The following CDYL2 variants were observed in gnomAD, a reference collection of about 807,000 sequenced individuals.
CDYL2 encodes chromodomain Y like 2, also known as chromodomain Y-like protein 2.
In CDYL2, 23 loss-of-function variants were observed where a neutral mutation model predicts 49.4. The ratio of observed to expected loss-of-function variants is 0.47; its 90% CI spans 0.34 to 0.66. CDYL2 has a LOEUF of 0.66. Among genes scored for constraint, CDYL2 ranks in the 30% least tolerant of loss-of-function variants. The pLI, the probability that CDYL2 is intolerant of heterozygous loss-of-function variation, is 0.01. For synonymous variants in CDYL2, 360 were observed against 268.8 expected, an observed-to-expected ratio of 1.34 and a Z score of -3.32; for missense variants, 678 against 656.4, an observed-to-expected ratio of 1.03 and a Z score of -0.36.
intron 2 of CDYL2, among the ~76,000 whole-genome samples, chr16:80,648,637 A>G (rs569289233): frequency 1.3e-5 from 2 of 151,948 alleles, no homozygotes; most frequent in African/African-American, 4.8e-5. Context: ...ATACTTCCAA[A>G]CTCATTCTAC....
At chr16:80,752,293 T>C (rs1225438835) in intron 1 of CDYL2, among the ~76,000 whole-genome samples, 2 of 151,956 alleles carry the variant, frequency 1.3e-5, no homozygotes, top group Non-Finnish European at 1.5e-5. Flanking sequence ...CATGGAGACC[T>C]GGTGGGAAAG....
At chr16:80,638,288 T>C (rs1344929357) in intron 2 of CDYL2, among the ~76,000 whole-genome samples, 1 of 152,192 alleles carries the variant, frequency 6.6e-6, no homozygotes, top group Non-Finnish European at 1.5e-5. Context: ...TTGCCTAGGC[T>C]GGTCTCAAAT....
chr16:80,752,109 G>A (rs931577533), intron 1 of CDYL2, among the ~76,000 whole-genome samples: 2 of 143,854 alleles, frequency 1.4e-5, no homozygotes, highest in Admixed American at 1.4e-4. Context: ...TTAGCAAAGC[G>A]AAATTAATCT....
chr16:80,665,697 G>A (rs1909233879), intron 2 of CDYL2, among the ~76,000 whole-genome samples: 1 of 152,034 alleles, frequency 6.6e-6, no homozygotes, highest in Non-Finnish European at 1.5e-5. Context: ...GAAGATGGGA[G>A]AAGCTTCCAG....
intron 5 of CDYL2, among the ~76,000 whole-genome samples, chr16:80,610,061 G>A (rs966539932): frequency 5.3e-5 from 8 of 152,248 alleles, no homozygotes; most frequent in African/African-American, 1.9e-4. Flanking sequence ...TGCAGAAGGG[G>A]TAGCAAAAAT....
chr16:80,636,874 TA>T lies in CDYL2; in HGVS notation c.617-3639del, dbSNP rs551635797. Among the ~76,000 whole-genome samples, 3 of 152,170 alleles carry T rather than the reference TA, an allele frequency of 2.0e-5. No homozygotes were observed. The South Asian group carries it at 6.2e-4, about 32-fold the overall frequency. On this transcript the variant is annotated intron_variant, in intron 2 of 6. Coordinates refer to ENST00000570137, the MANE Select transcript of CDYL2 (RefSeq NM_152342.4). ...TATACCATGGAATACTATGCAGCCA[TA>T]AAAAAGGATGAGTTCATGTCCTTTG...
intron 1 of CDYL2, among the ~76,000 whole-genome samples, chr16:80,707,419 C>T (rs1904442584): frequency 6.6e-6 from 1 of 152,114 alleles, no homozygotes; most frequent in African/African-American, 2.4e-5. Flanking sequence ...TACGATCGTA[C>T]CACTGCACTC....
rs572810868 is a variant in CDYL2, at chr16:80,601,708, A to G, written c.*2680T>C. 1 of 152,200 alleles carries G rather than the reference A, an allele frequency of 6.6e-6. No individual in the cohort carries two copies. The highest frequency in any genetic ancestry group is 6.5e-5 in the Admixed American group (1 of 15,294). The allele number at this position is 152,200 out of a possible 1,614,324, so 9.4% of individuals were successfully genotyped here. A position where few individuals can be genotyped will look rare whatever the true frequency, so the allele number is the denominator to read the frequency against. ...ACCCAGAAAGTGAAAAATTCAGTCC[A>G]CCCTGCAGCAAAAAGATTTCACCTG... On this transcript the variant is annotated 3_prime_UTR_variant, in exon 7 of 7. Transcript: ENST00000570137.
intron 2 of CDYL2, among the ~76,000 whole-genome samples, chr16:80,653,672 A>C (rs1472455222): frequency 1.3e-5 from 2 of 152,216 alleles, no homozygotes. Flanking sequence ...CCAATTCCTC[A>C]AGCATGTATT....
intron 2 of CDYL2, among the ~76,000 whole-genome samples, chr16:80,648,219 G>C (rs1908435049): frequency 2.0e-5 from 3 of 152,064 alleles, no homozygotes; most frequent in African/African-American, 7.2e-5. Context: ...GAATCAAAAA[G>C]TTGTTTTTTT....
At chr16:80,715,945 C>A (rs1904783366) in intron 1 of CDYL2, among the ~76,000 whole-genome samples, 1 of 152,236 alleles carries the variant, frequency 6.6e-6, no homozygotes, top group Non-Finnish European at 1.5e-5. Flanking sequence ...AGCCAGACTT[C>A]CTAAGCCCAA....
intron 1 of CDYL2, among the ~76,000 whole-genome samples, chr16:80,747,050 T>C (rs796403342): frequency 7.9e-5 from 12 of 152,190 alleles, no homozygotes; most frequent in African/African-American, 2.9e-4. Flanking sequence ...GAGCTGAGGG[T>C]TGGCTGCCAT....
At chr16:80,740,373 T>C (rs1337058261) in intron 1 of CDYL2, among the ~76,000 whole-genome samples, 2 of 152,196 alleles carry the variant, frequency 1.3e-5, no homozygotes, top group Non-Finnish European at 2.9e-5. Flanking sequence ...AACAGACATA[T>C]GTATTTGAGA....
At chr16:80,714,483 G>A (rs528149859) in intron 1 of CDYL2, among the ~76,000 whole-genome samples, 12 of 152,136 alleles carry the variant, frequency 7.9e-5, no homozygotes, top group African/African-American at 2.2e-4. Flanking sequence ...AAAAATAAAC[G>A]GGAAAAATAA....
chr16:80,763,114 G>C (rs1014924000), intron 1 of CDYL2, among the ~76,000 whole-genome samples: 1 of 152,068 alleles, frequency 6.6e-6, no homozygotes, highest in South Asian at 2.1e-4. Context: ...GCTGTAGTGA[G>C]CTGAGACTGT....
intron 2 of CDYL2, among the ~76,000 whole-genome samples, chr16:80,682,060 G>C (rs1292722590): frequency 6.6e-6 from 1 of 152,162 alleles, no homozygotes; most frequent in East Asian, 1.9e-4. Flanking sequence ...CATCTCCTGG[G>C]CTCCACCCTA....
At chr16:80,735,470 G>A (rs935033634) in intron 1 of CDYL2, among the ~76,000 whole-genome samples, 2 of 152,196 alleles carry the variant, frequency 1.3e-5, no homozygotes, top group South Asian at 2.1e-4. Context: ...GCTAAATGAT[G>A]CAAAGCACTT....
chr16:80,775,426 T>C, intron 1 of CDYL2, among the ~76,000 whole-genome samples: 1 of 151,814 alleles, frequency 6.6e-6, no homozygotes, highest in East Asian at 1.9e-4. Flanking sequence ...AGAAATAAAG[T>C]GTCTAAGGAG....
intron 1 of CDYL2, among the ~76,000 whole-genome samples, chr16:80,783,987 A>G (rs1907353233): frequency 6.6e-6 from 1 of 152,252 alleles, no homozygotes; most frequent in Non-Finnish European, 1.5e-5. Context: ...CAACATTGTG[A>G]AAGTACTAAA....
Sources: gnomAD v4.1 joint callset for allele counts (sites outside exome capture counted in the v4.1 genomes callset) on GRCh38, gnomAD v4.1.1 for gene constraint, MANE v1.5 for transcripts, NCBI Gene and HGNC (gene_info 2026-07-23, HGNC 2026-07-21) for gene names.